ANLN: variants seen among roughly 807,000 people sequenced by gnomAD.
ANLN encodes the protein anillin, actin binding protein.
Under a neutral mutation model 135.1 loss-of-function variants are expected in ANLN, and 59 were observed. The ratio of observed to expected loss-of-function variants is 0.44; its 90% CI spans 0.35 to 0.54. The LOEUF (loss-of-function observed/expected upper bound fraction) is 0.54. Among genes scored for constraint, ANLN ranks in the 20% least tolerant of loss-of-function variants. The pLI, the probability that ANLN is intolerant of heterozygous loss-of-function variation, is 0.00. For missense variants in ANLN, 1,182 were observed against 1,340.0 expected (o/e 0.88, Z 1.84); for synonymous variants, 406 against 456.4 (o/e 0.89, Z 1.41).
chr7:36,425,537 G>A (rs906342001), intron 17 of ANLN, among the ~76,000 whole-genome samples, 165 bp from the exon 18 acceptor site: 3 of 151,918 alleles, frequency 2.0e-5, no homozygotes, highest in Non-Finnish European at 2.9e-5. Flanking sequence ...CTCATGATCC[G>A]CCCGCCTCAG....
At chr7:36,428,185 A>C in intron 20 of ANLN, 3 of 331,068 alleles carry the variant, frequency 9.1e-6, no homozygotes, top group East Asian at 9.5e-5. Flanking sequence ...TTAATGCATG[A>C]ATGTGTTTTA....
At chr7:36,448,570 A>G (rs999834163) in intron 22 of ANLN, among the ~76,000 whole-genome samples, 1 of 152,174 alleles carries the variant, frequency 6.6e-6, no homozygotes, top group Non-Finnish European at 1.5e-5. Flanking sequence ...AGACTAGCTT[A>G]CTATTCTTCA....
chr7:36,431,545 GTATA>G (rs1248903280), intron 20 of ANLN, among the ~76,000 whole-genome samples: 1 of 135,242 alleles, frequency 7.4e-6, no homozygotes, highest in African/African-American at 2.7e-5. Flanking sequence ...ATATATGTGT[GTATA>G]TATGTGTGTG....
chr7:36,393,723 A>G (rs1466675857), intron 1 of ANLN, among the ~76,000 whole-genome samples: 1 of 152,158 alleles, frequency 6.6e-6, no homozygotes, highest in Non-Finnish European at 1.5e-5. Flanking sequence ...ACTGAGATAG[A>G]TTTATTGAAA....
At chr7:36,410,776 T>C in intron 6 of ANLN, 72 bp downstream of exon 6, 1 of 1,433,788 alleles carries the variant, frequency 7.0e-7, no homozygotes. Context: ...AAATGGGTTC[T>C]GATGCCAGTC....
intron 22 of ANLN, among the ~76,000 whole-genome samples, chr7:36,446,861 G>C (rs779108904): frequency 6.6e-6 from 1 of 152,124 alleles, no homozygotes; most frequent in South Asian, 2.1e-4. Context: ...TCACGGTTCT[G>C]TTTCCTTTGG....
At chr7:36,423,189 A>T (rs1042079237) in intron 14 of ANLN, among the ~76,000 whole-genome samples, 1 of 152,110 alleles carries the variant, frequency 6.6e-6, no homozygotes, top group South Asian at 2.1e-4. Context: ...TTTCTTTTTG[A>T]GGGGAAGGAG....
chr7:36,395,759 A>G (rs1236716087), intron 1 of ANLN, among the ~76,000 whole-genome samples: 1 of 151,858 alleles, frequency 6.6e-6, no homozygotes, highest in East Asian at 1.9e-4. Flanking sequence ...CTGGAGCTGG[A>G]TGGTCTAAGG....
At chr7:36,401,420 C>G (rs994522586) in intron 3 of ANLN, among the ~76,000 whole-genome samples, 2 of 152,164 alleles carry the variant, frequency 1.3e-5, no homozygotes, top group Non-Finnish European at 2.9e-5. Flanking sequence ...CTCACTGCAA[C>G]CTCCGCCTCC....
At chr7:36,414,680 GTTTAC>G (rs1273485099) in intron 7 of ANLN, among the ~76,000 whole-genome samples, 4 of 152,194 alleles carry the variant, frequency 2.6e-5, no homozygotes, top group Non-Finnish European at 2.9e-5. Flanking sequence ...CCATTTGATC[GTTTAC>G]TTTGCTTTTT....
intron 4 of ANLN, 147 bp from the exon 5 acceptor site, chr7:36,407,587 T>G (rs773428669): frequency 7.4e-5 from 46 of 620,348 alleles, no homozygotes; most frequent in Middle Eastern, 4.5e-4. Flanking sequence ...TCTTTCAAAT[T>G]TGTTTGATCT....
chr7:36,390,613 C>T (rs1170271436), intron 1 of ANLN: 1 of 154,048 alleles, frequency 6.5e-6, no homozygotes, highest in Non-Finnish European at 1.4e-5. Flanking sequence ...AGCTAACTAA[C>T]GAAGAAGTTC....
intron 1 of ANLN, among the ~76,000 whole-genome samples, chr7:36,392,688 A>T (rs1431086508): frequency 6.6e-6 from 1 of 151,970 alleles, no homozygotes; most frequent in Non-Finnish European, 1.5e-5. Context: ...TTTTAATTTA[A>T]TAACCTTTGG....
rs766853998 is a variant in ANLN, at chr7:36,401,726, G to A, written c.487+2333G>A. Among the ~76,000 whole-genome samples, 44 of 118,656 alleles carry A rather than the reference G, an allele frequency of 3.7e-4. 12 individuals carry two copies. The highest frequency in any genetic ancestry group is 1.1e-3 in the Admixed American group (14 of 12,612). The allele number at this position is 118,656 out of a possible 152,430, so 77.8% of individuals were successfully genotyped here. On this transcript the variant is annotated intron_variant, in intron 3 of 23. Coordinates refer to ENST00000265748, the MANE Select transcript of ANLN (RefSeq NM_018685.5). ...AGTGGTGAGGTAAGAGGTAGGACTC[G>A]ACTCCAGATGCGGGACTTGGACACT...
At chr7:36,434,569 A>T (rs914872450) in intron 20 of ANLN, among the ~76,000 whole-genome samples, 1 of 152,200 alleles carries the variant, frequency 6.6e-6, no homozygotes, top group African/African-American at 2.4e-5. Flanking sequence ...TTTCTTTAAA[A>T]ATACTTCTTT....
intron 20 of ANLN, among the ~76,000 whole-genome samples, chr7:36,437,397 G>T (rs1376052811): frequency 6.6e-6 from 1 of 151,966 alleles, no homozygotes; most frequent in Non-Finnish European, 1.5e-5. Flanking sequence ...ATTTTTCATT[G>T]TATGTATGTA....
chr7:36,405,259 G>A (rs1787140307), intron 3 of ANLN, among the ~76,000 whole-genome samples: 1 of 152,180 alleles, frequency 6.6e-6, no homozygotes, highest in Non-Finnish European at 1.5e-5. Context: ...CATTTTTGTG[G>A]ATGTGTGCTC....
Position 36,423,854 on chromosome 7 carries a change from A to G in ANLN, c.2514A>G (p.Ala838=). ...ANYYYLIILK[A]GAENMVATPL... is the part of the protein sequence containing the mutation. ...ACTATTACTTAATTATACTAAAAGC[A>G]GGAGCTGAAAATATGGTAGCCACAC... The change falls in exon 15 of 24, where the codon GCA becomes GCG. Residue 838 remains alanine (A), a synonymous_variant. Transcript: ENST00000265748. 2 of 1,612,298 alleles carry G rather than the reference A, an allele frequency of 1.2e-6. No individual in the cohort carries two copies. Among genetic ancestry groups the G allele is most frequent in the Non-Finnish European group, 1.7e-6 (2 of 1,179,140 alleles).
At chr7:36,431,591 G>A (rs867282500) in intron 20 of ANLN, among the ~76,000 whole-genome samples, 168 of 18,982 alleles carry the variant, frequency 8.9e-3, no homozygotes, top group Non-Finnish European at 0.016. Flanking sequence ...GTGTGTGTGT[G>A]TGTGTGTATA....
Sources: gnomAD v4.1 joint callset for allele counts (sites outside exome capture counted in the v4.1 genomes callset) on GRCh38, gnomAD v4.1.1 for gene constraint, MANE v1.5 for transcripts, NCBI Gene and HGNC (gene_info 2026-07-23, HGNC 2026-07-21) for gene names.